APBA2: variants seen among roughly 807,000 people sequenced by gnomAD.
APBA2 encodes amyloid-beta A4 precursor protein-binding family A member 2.
In APBA2, 30 loss-of-function variants were observed where a neutral mutation model predicts 75.0. That is an observed-to-expected ratio of 0.40 (90% CI 0.30 to 0.54). APBA2 has a LOEUF of 0.54. Ranked by LOEUF, APBA2 falls within the 20% of genes least tolerant of loss-of-function variation. APBA2 has a pLI of 0.49. For missense variants in APBA2, 801 were observed against 1,016.1 expected (o/e 0.79, Z 2.88); for synonymous variants, 444 against 409.6 (o/e 1.08, Z -1.01).
chr15:29,047,384 C>G (rs1213850102), intron 3 of APBA2, among the ~76,000 whole-genome samples: 1 of 152,174 alleles, frequency 6.6e-6, no homozygotes, highest in African/African-American at 2.4e-5. Flanking sequence ...AAAACGGGAT[C>G]ATTACCAGTC....
intron 3 of APBA2, among the ~76,000 whole-genome samples, chr15:29,041,157 T>G (rs931068983): frequency 1.3e-5 from 2 of 152,076 alleles, no homozygotes; most frequent in Non-Finnish European, 2.9e-5. Flanking sequence ...GAAATTATCC[T>G]GAATAAAAGA....
At chr15:28,996,211 C>T (rs539354757) in intron 3 of APBA2, among the ~76,000 whole-genome samples, 2 of 152,300 alleles carry the variant, frequency 1.3e-5, no homozygotes, top group African/African-American at 2.4e-5. Flanking sequence ...ACATGTATAT[C>T]GGCAATAATA....
At chr15:28,919,826 C>T (rs2033877314) in intron 1 of APBA2, among the ~76,000 whole-genome samples, 2 of 152,188 alleles carry the variant, frequency 1.3e-5, no homozygotes, top group African/African-American at 4.8e-5. Context: ...CAGTCCGAAA[C>T]ATCTGGAGGC....
Position 29,050,486 on chromosome 15 carries a change from G to A in APBA2, c.-40-3359G>A, listed in dbSNP as rs543929083. On this transcript the variant is annotated intron_variant, in intron 3 of 14. Transcript: ENST00000683413. ...TAGTCCAAATTATATTGTTGTCGTA[G>A]TGTTATACATCTGGAATAAATTTTT... 4.6e-5 allele frequency among the ~76,000 whole-genome samples: 7 copies of A among 152,322 alleles called. No individual in the cohort carries two copies. In the East Asian group the frequency reaches 1.4e-3, roughly 29 times the overall value.
chr15:28,939,745 G>T (rs1035196898), intron 2 of APBA2, among the ~76,000 whole-genome samples: 5 of 152,194 alleles, frequency 3.3e-5, no homozygotes, highest in African/African-American at 1.2e-4. Context: ...CCTTCCCCAT[G>T]GACATCTGGG....
intron 14 of APBA2, among the ~76,000 whole-genome samples, chr15:29,114,786 AGGAGT>A (rs2044973417): frequency 3.1e-5 from 2 of 65,534 alleles, no homozygotes; most frequent in Non-Finnish European, 1.1e-4. Flanking sequence ...GTGCGTGTGG[AGGAGT>A]GTGTGTGTGT....
intron 2 of APBA2, among the ~76,000 whole-genome samples, chr15:28,933,710 G>A (rs1329752356): frequency 2.0e-5 from 3 of 152,198 alleles, no homozygotes; most frequent in Non-Finnish European, 4.4e-5. Context: ...GCTGGAGCCC[G>A]ACAGGTTGCG....
intron 3 of APBA2, chr15:29,044,215 A>G (rs190769795): frequency 1.8e-4 from 28 of 152,272 alleles, no homozygotes; most frequent in African/African-American, 5.8e-4. Flanking sequence ...AGCTAATGCT[A>G]TTTTCCCGTG....
At chr15:29,056,531 C>T (rs1443697133) in intron 4 of APBA2, among the ~76,000 whole-genome samples, 3 of 148,862 alleles carry the variant, frequency 2.0e-5, no homozygotes, top group East Asian at 4.1e-4. Context: ...GTTTTTCCCT[C>T]CCTCCCTCCT....
intron 3 of APBA2, among the ~76,000 whole-genome samples, chr15:29,048,290 G>A (rs372349664): frequency 2.6e-5 from 4 of 152,238 alleles, no homozygotes; most frequent in East Asian, 1.9e-4. Context: ...AGAGACTGCC[G>A]TGAGCTGGGA....
Position 29,093,112 on chromosome 15 carries a change from G to T in APBA2, c.1107G>T (p.Gly369=). Residue 369 remains glycine, a synonymous_variant, in exon 7 of 15, where the codon GGG becomes GGT. Transcript: ENST00000683413. ...GCGAACCAGAAGACCTCATCGACGG[G>T]ATCATCTTTGCTGCCAATTACCTGG... ...GPCEPEDLID[G]IIFAANYLGS... is the part of the protein sequence containing the mutation. 1 of 1,614,234 alleles carries T rather than the reference G, an allele frequency of 6.2e-7. No individual in the cohort carries two copies. The highest frequency in any genetic ancestry group is 8.5e-7 in the Non-Finnish European group (1 of 1,180,042).
At chr15:29,062,172 C>G (rs1233511536) in intron 4 of APBA2, among the ~76,000 whole-genome samples, 1 of 152,156 alleles carries the variant, frequency 6.6e-6, no homozygotes, top group Admixed American at 6.5e-5. Flanking sequence ...AGTCGGCTCC[C>G]TCCTTTCTGC....
At chr15:28,946,574 CTTTCT>C (rs2035563267) in intron 2 of APBA2, among the ~76,000 whole-genome samples, 2 of 152,050 alleles carry the variant, frequency 1.3e-5, no homozygotes, top group African/African-American at 4.8e-5. Context: ...TTTTTATTTT[CTTTCT>C]TTTCTTTTCT....
At chr15:29,044,413 C>T (rs1217558708) in intron 3 of APBA2, 1 of 152,132 alleles carries the variant, frequency 6.6e-6, no homozygotes, top group Non-Finnish European at 1.5e-5. Flanking sequence ...GACTCATTTT[C>T]TTGGACATGT....
chr15:28,987,755 CTTTTTTT>C lies in APBA2; in HGVS notation c.-94-7988_-94-7982del, dbSNP rs1161611215. Among the ~76,000 whole-genome samples the C allele has an allele frequency of 2.7e-3, 248 of 92,836 alleles. 2 individuals are homozygous for C. Among genetic ancestry groups the C allele is most frequent in the African/African-American group, 0.013 (247 of 18,380 alleles). The allele number at this position is 92,836 out of a possible 152,430, so 60.9% of individuals were successfully genotyped here. ...ATATATATATATATATATATATATTCTTTTTTTTTTTTTTTTGAGATGGAGTCTCACC... is the reference window on the plus strand; with the variant it reads ...ATATATATATATATATATATATATTCTTTTTTTTTGAGATGGAGTCTCACC... On this transcript the variant is annotated intron_variant, in intron 2 of 14. Coordinates refer to ENST00000683413, the MANE Select transcript of APBA2 (RefSeq NM_001353788.2).
intron 3 of APBA2, among the ~76,000 whole-genome samples, chr15:29,047,168 C>A (rs918722442): frequency 6.6e-6 from 1 of 152,178 alleles, no homozygotes; most frequent in Non-Finnish European, 1.5e-5. Context: ...CTTTAACAGG[C>A]GGGCTCTTTG....
chr15:28,922,305 C>T (rs1473033547), intron 2 of APBA2, among the ~76,000 whole-genome samples: 1 of 152,184 alleles, frequency 6.6e-6, no homozygotes, highest in Admixed American at 6.5e-5. Flanking sequence ...CCCAGGTAGC[C>T]AGTCCCAGGC....
At chr15:29,105,701 G>A (rs896878956) in intron 11 of APBA2, 143 bp downstream of exon 11, 3 of 849,518 alleles carry the variant, frequency 3.5e-6, no homozygotes, top group African/African-American at 3.3e-5. Flanking sequence ...TGTGCACCTC[G>A]CTCCTGCCTT....
intron 2 of APBA2, among the ~76,000 whole-genome samples, chr15:28,940,009 T>C (rs905173802): frequency 3.3e-5 from 5 of 152,196 alleles, no homozygotes; most frequent in African/African-American, 1.2e-4. Context: ...GGGAAGAGAA[T>C]GGAAGAAACA....
Sources: allele counts gnomAD v4.1 joint callset (sites outside exome capture counted in the v4.1 genomes callset), GRCh38; gene constraint gnomAD v4.1.1; transcripts MANE v1.5; gene names NCBI Gene and HGNC (gene_info 2026-07-23, HGNC 2026-07-21).